RIMS1: variants seen among roughly 807,000 people sequenced by gnomAD.
The protein encoded by RIMS1 is regulating synaptic membrane exocytosis 1, also known as regulating synaptic membrane exocytosis protein 1.
A neutral mutation model predicts 214.1 loss-of-function variants in RIMS1; 83 were observed. The ratio of observed to expected loss-of-function variants is 0.39; its 90% CI spans 0.32 to 0.47. The LOEUF is 0.47. RIMS1 is among the 20% of genes least tolerant of loss of function. The probability of loss-of-function intolerance (pLI) is 0.99; values close to 1 mark genes in which losing one functional copy is unlikely to be tolerated. For synonymous variants in RIMS1, 793 were observed against 786.8 expected, an observed-to-expected ratio of 1.01 and a Z score of -0.13; for missense variants, 2,050 against 2,161.8, an observed-to-expected ratio of 0.95 and a Z score of 1.03.
chr6:71,946,294 A>G (rs924860795), intron 1 of RIMS1, among the ~76,000 whole-genome samples: 1 of 152,200 alleles, frequency 6.6e-6, no homozygotes, highest in Admixed American at 6.5e-5. Flanking sequence ...TAAAATCCAT[A>G]TGAAACCACA....
At chr6:71,960,527 A>T (rs1197305596) in intron 1 of RIMS1, among the ~76,000 whole-genome samples, 1 of 152,132 alleles carries the variant, frequency 6.6e-6, no homozygotes, top group African/African-American at 2.4e-5. Flanking sequence ...GCCCATGATG[A>T]TGTTTCACAC....
At chr6:72,177,863 G>T (rs2047928425) in intron 4 of RIMS1, among the ~76,000 whole-genome samples, 1 of 152,138 alleles carries the variant, frequency 6.6e-6, no homozygotes, top group South Asian at 2.1e-4. Context: ...CCCTTAATAT[G>T]TCCATGTTCA....
intron 2 of RIMS1, among the ~76,000 whole-genome samples, chr6:72,000,388 C>T (rs1196409308): frequency 6.6e-6 from 1 of 152,124 alleles, no homozygotes; most frequent in East Asian, 1.9e-4. Flanking sequence ...ATTTATAACA[C>T]TGTTTTTGGA....
intron 29 of RIMS1, among the ~76,000 whole-genome samples, chr6:72,356,776 T>A (rs975482308): frequency 1.3e-5 from 2 of 151,682 alleles, no homozygotes; most frequent in African/African-American, 2.4e-5. Flanking sequence ...ATAATAATAA[T>A]AAAAAATAAA....
At chr6:71,957,858 G>A (rs1791751730) in intron 1 of RIMS1, among the ~76,000 whole-genome samples, 1 of 141,984 alleles carries the variant, frequency 7.0e-6, no homozygotes, top group South Asian at 2.1e-4. Context: ...GCTTGATCTT[G>A]TTGTTTTTAT....
chr6:72,235,619 A>G lies in RIMS1; in HGVS notation c.1748A>G (p.His583Arg), dbSNP rs371482102. ...TTAAACTCATTCATGTTTTAACAGC[A>G]TCCTGTAACGTGGCAACCATCTAAA... is the stretch of plus-strand genomic sequence containing the variant. ...HSRETSPISS[H>R]PVTWQPSKEG... Residue 583 changes from histidine to arginine, a missense_variant and splice_region_variant, in exon 8 of 34, where the codon CAT becomes CGT. By Grantham distance (29) the His-to-Arg change is conservative. This residue lies in a region of RIMS1 where 882 missense variants were observed against 828.9 expected (regional missense o/e 1.06). Transcript: ENST00000521978. 3.6e-5 allele frequency: 57 copies of G among 1,602,094 alleles called. No homozygotes were observed. Among genetic ancestry groups the G allele is most frequent in the Non-Finnish European group, 4.7e-5 (55 of 1,171,458 alleles).
intron 29 of RIMS1, among the ~76,000 whole-genome samples, chr6:72,380,148 T>C (rs139821653): frequency 1.6e-4 from 25 of 151,956 alleles, no homozygotes; most frequent in Admixed American, 5.2e-4. Flanking sequence ...ATCGCAAGGA[T>C]AGAAAACCAA....
At chr6:72,313,252 A>T (rs901299610) in intron 27 of RIMS1, among the ~76,000 whole-genome samples, 2 of 152,294 alleles carry the variant, frequency 1.3e-5, no homozygotes, top group African/African-American at 2.4e-5. Flanking sequence ...TAATTTAATG[A>T]CTTTTCCAAT....
chr6:72,331,306 G>T (rs1266146997), intron 28 of RIMS1, among the ~76,000 whole-genome samples: 1 of 151,440 alleles, frequency 6.6e-6, no homozygotes, highest in Non-Finnish European at 1.5e-5. Flanking sequence ...ATAATGGGAA[G>T]AAAAAAGGGT....
chr6:72,162,830 T>G (rs984080295), intron 4 of RIMS1, among the ~76,000 whole-genome samples: 1 of 139,960 alleles, frequency 7.1e-6, no homozygotes, highest in African/African-American at 2.5e-5. Flanking sequence ...ATTTTTTCCT[T>G]CATTTCAACT....
At chr6:71,969,153 A>G in intron 2 of RIMS1, 90 bp downstream of exon 2, 1 of 1,205,484 alleles carries the variant, frequency 8.3e-7, no homozygotes, top group South Asian at 1.2e-5. Flanking sequence ...GTGAGAGTAG[A>G]TACTCTGGCT....
intron 6 of RIMS1, among the ~76,000 whole-genome samples, chr6:72,204,643 C>G (rs1166993731): frequency 6.6e-6 from 1 of 152,084 alleles, no homozygotes; most frequent in African/African-American, 2.4e-5. Flanking sequence ...ATGTGCTTTC[C>G]TAAGGGAAAT....
intron 29 of RIMS1, among the ~76,000 whole-genome samples, chr6:72,352,126 A>G (rs150707701): frequency 2.6e-5 from 4 of 152,322 alleles, no homozygotes; most frequent in African/African-American, 9.6e-5. Flanking sequence ...CAAACGTTTT[A>G]CTGTACAACC....
chr6:72,318,067 T>A (rs2095911759), intron 28 of RIMS1, among the ~76,000 whole-genome samples: 1 of 152,198 alleles, frequency 6.6e-6, no homozygotes, highest in Non-Finnish European at 1.5e-5. Context: ...TCAATCTAAC[T>A]ATTCACTGTT....
chr6:71,960,507 T>C (rs539139824), intron 1 of RIMS1, among the ~76,000 whole-genome samples: 4 of 152,284 alleles, frequency 2.6e-5, no homozygotes, highest in African/African-American at 9.6e-5. Flanking sequence ...CTTTTGTTTA[T>C]ACAACTAAAG....
chr6:72,248,120 A>G lies in RIMS1; in HGVS notation c.2234A>G (p.Gln745Arg). Reference protein sequence around the residue: ...LKDAPQVLPGQLSVKLWYDKV... With the variant: ...LKDAPQVLPGRLSVKLWYDKV... ...GATGCCCCACAAGTCTTACCAGGGCAACTTTCTGTATGTATTTTTTGTACA... is the reference window on the plus strand; with the variant it reads ...GATGCCCCACAAGTCTTACCAGGGCGACTTTCTGTATGTATTTTTTGTACA... The change falls in exon 12 of 34, where the codon CAA (glutamine) becomes CGA (arginine). Residue 745 changes from glutamine (Q) to arginine (R), a missense_variant. Around this residue, in one of 6 missense-constraint regions of RIMS1, gnomAD observed 111 missense variants for 166.2 expected, o/e 0.67. Transcript: ENST00000521978. The G allele has an allele frequency of 6.2e-7, 1 of 1,603,484 alleles. No individual in the cohort carries two copies. The highest frequency in any genetic ancestry group is 8.5e-7 in the Non-Finnish European group (1 of 1,172,022).
chr6:72,347,636 A>G (rs2097310862), intron 29 of RIMS1, among the ~76,000 whole-genome samples: 1 of 151,826 alleles, frequency 6.6e-6, no homozygotes, highest in African/African-American at 2.4e-5. Context: ...CATCTCTTAA[A>G]TGTGTAACTT....
chr6:72,099,892 A>T (rs1323365147), intron 3 of RIMS1, 83 bp from the exon 4 acceptor site: 2 of 1,106,570 alleles, frequency 1.8e-6, no homozygotes, highest in Non-Finnish European at 1.4e-6. Context: ...TCTTAAAACC[A>T]ATTTATTAAT....
At chr6:72,245,672 T>C in intron 10 of RIMS1, 143 bp from the exon 11 acceptor site, 2 of 575,748 alleles carry the variant, frequency 3.5e-6, no homozygotes, top group Non-Finnish European at 3.1e-6. Context: ...TGCACATTAG[T>C]AGTTGCCTTA....
Sources: gnomAD v4.1 joint callset for allele counts (sites outside exome capture counted in the v4.1 genomes callset) on GRCh38, gnomAD v4.1.1 for gene constraint, gnomAD v4.1.1 regional missense constraint, MANE v1.5 for transcripts, NCBI Gene and HGNC (gene_info 2026-07-23, HGNC 2026-07-21) for gene names.